The following TRRAP variants were observed in gnomAD, a reference collection of about 807,000 sequenced individuals.
TRRAP encodes the protein transformation/transcription domain-associated protein.
In TRRAP, 41 loss-of-function variants were observed where a neutral mutation model predicts 438.8. The observed-to-expected ratio is 0.09, with a 90% CI of 0.07 to 0.12. The LOEUF (loss-of-function observed/expected upper bound fraction) is 0.12, where lower values mean the gene tolerates loss of function less well. TRRAP is among the 10% of genes least tolerant of loss of function. TRRAP has a pLI of 1.00. For synonymous variants in TRRAP, 1,994 were observed against 1,962.9 expected, an observed-to-expected ratio of 1.02 and a Z score of -0.42; for missense variants, 3,122 against 5,055.1, an observed-to-expected ratio of 0.62 and a Z score of 11.60.
chr7:98,942,853 C>T, intron 30 of TRRAP, 96 bp from the exon 31 acceptor site: 2 of 1,362,648 alleles, frequency 1.5e-6, no homozygotes, highest in Non-Finnish European at 2.1e-6. Flanking sequence ...GCAGTTCTCA[C>T]ACTAAACACG....
In TRRAP at chr7:98,976,579, A is replaced by G. The variant is rs1272121270; in HGVS notation, c.8056A>G (p.Met2686Val). Reference protein sequence around the residue: ...PSALNCFVEAMSQCVPPIPIR... With the variant: ...PSALNCFVEAVSQCVPPIPIR... The stretch of plus-strand genomic sequence containing the variant: ...CGCGCTGAACTGCTTTGTGGAAGCC[A>G]TGTCCCAGTGCGTGCCGCCAATCCC... Residue 2686 changes from methionine to valine, a missense_variant, in exon 55 of 73, where the codon ATG (methionine) becomes GTG (valine). Physicochemically the swap from Met to Val is conservative, Grantham distance 21. Transcript: ENST00000456197. This position sits in a 1 kb window ranked among gnomAD's most constrained non-coding sequence, Gnocchi z 4.6. 2 of 1,614,062 alleles carry G rather than the reference A, an allele frequency of 1.2e-6. No individual in the cohort carries two copies. The highest frequency in any genetic ancestry group is 1.3e-5 in the African/African-American group (1 of 74,936).
chr7:98,949,989 T>C (rs1337187606), intron 37 of TRRAP, 75 bp from the exon 38 acceptor site: 4 of 1,596,354 alleles, frequency 2.5e-6, no homozygotes. Context: ...CTGAGCTGTT[T>C]AAAGGCAAGT....
chr7:98,993,793 T>C (rs1177489122), intron 66 of TRRAP, 56 bp downstream of exon 66: 1 of 1,545,718 alleles, frequency 6.5e-7, no homozygotes, highest in Non-Finnish European at 8.9e-7. Context: ...CGTGGTGTTC[T>C]GTATGCTTCT....
intron 22 of TRRAP, among the ~76,000 whole-genome samples, chr7:98,925,854 G>A (rs1160242055): frequency 6.6e-6 from 1 of 152,194 alleles, no homozygotes; most frequent in Non-Finnish European, 1.5e-5. Flanking sequence ...AAAGGACATT[G>A]AAGAGAGAGG....
Position 98,999,557 on chromosome 7 carries a change from C to T in TRRAP, c.10310-4633C>T. ...TCTTGCTTAAGAAACTGCATCCAGGCAGACAGGATCCCACTGCCACTGTGT... is the reference window on the plus strand; with the variant it reads ...TCTTGCTTAAGAAACTGCATCCAGGTAGACAGGATCCCACTGCCACTGTGT... On this transcript the variant is annotated intron_variant, in intron 67 of 72. Coordinates refer to ENST00000456197, the MANE Select transcript of TRRAP (RefSeq NM_001375524.1). 2.2e-5 allele frequency: 16 copies of T among 729,306 alleles called. 1 individual carries two copies. In the South Asian group the frequency reaches 2.3e-4, roughly 11 times the overall value. The allele number at this position is 729,306 out of a possible 1,614,324, so 45.2% of individuals were successfully genotyped here.
intron 6 of TRRAP, among the ~76,000 whole-genome samples, chr7:98,894,783 G>GT (rs56407045): frequency 0.025 from 2,223 of 87,496 alleles, 113 homozygotes; most frequent in African/African-American, 0.079. Flanking sequence ...CCAGCTAATG[G>GT]TTTTTTTTTT....
At chr7:98,989,628 A>T (rs983684908) in intron 63 of TRRAP, among the ~76,000 whole-genome samples, 1 of 152,244 alleles carries the variant, frequency 6.6e-6, no homozygotes, top group African/African-American at 2.4e-5. Flanking sequence ...GTACACCAGC[A>T]CATGGCAGTT....
chr7:98,976,114 G>T lies in TRRAP; in HGVS notation c.7840-35G>T. On this transcript the variant is annotated intron_variant, in intron 53 of 72. Coordinates refer to ENST00000456197, the MANE Select transcript of TRRAP (RefSeq NM_001375524.1). This position sits in a 1 kb window ranked among gnomAD's most constrained non-coding sequence, Gnocchi z 4.6. The stretch of plus-strand genomic sequence containing the variant: ...TGGTTGTGCGAGGCACCCCCAGCCC[G>T]TGGCCATCTCAGCCTGTTGTCTTTC... 1 of 1,610,934 alleles carries T rather than the reference G, an allele frequency of 6.2e-7. No individual in the cohort carries two copies.
rs368586455 is a variant in TRRAP, at chr7:98,930,740, C to G, written c.3501C>G (p.Leu1167=). ...GGGGTGTGGTGTCTATTAAGTTTCT[C>G]ATGGAGCGGCTGCCTCTCACTTGGG... ...KLGGVVSIKF[L]MERLPLTWVL... is the part of the protein sequence containing the mutation. The change falls in exon 25 of 73, where the codon CTC becomes CTG. Residue 1167 remains leucine (L), a synonymous_variant. Coordinates refer to ENST00000456197, the MANE Select transcript of TRRAP (RefSeq NM_001375524.1). The G allele has an allele frequency of 3.2e-4, 522 of 1,614,106 alleles. 1 individual carries two copies. Among genetic ancestry groups the G allele is most frequent in the Non-Finnish European group, 4.0e-4 (469 of 1,180,058 alleles).
rs1792683304 is a variant in TRRAP at position 98,976,870 on chromosome 7, G to A, written c.8248-69G>A. The A allele has an allele frequency of 9.3e-6, 15 of 1,605,110 alleles. No homozygotes were observed. The highest frequency in any genetic ancestry group is 1.2e-5 in the Non-Finnish European group (14 of 1,174,982). On this transcript the variant is annotated intron_variant, in intron 55 of 72. Transcript: ENST00000456197. This position sits in a 1 kb window ranked among gnomAD's most constrained non-coding sequence, Gnocchi z 4.6. ...AAATGATTTCAAATGACAGCACAGTGAAACTATTTTTAGGGGGGAAAAAAA... is the reference window on the plus strand; with the variant it reads ...AAATGATTTCAAATGACAGCACAGTAAAACTATTTTTAGGGGGGAAAAAAA...
In TRRAP at chr7:99,011,119, C is replaced by T. The variant is rs1282574422; in HGVS notation, c.11006C>T (p.Ala3669Val). Residue 3669 changes from alanine (A) to valine (V), a missense_variant, in exon 71 of 73, where the codon GCG becomes GTG. Coordinates refer to ENST00000456197, the MANE Select transcript of TRRAP (RefSeq NM_001375524.1). The surrounding 1 kb of genome is among the most constrained non-coding windows in gnomAD (Gnocchi z 7.1). ...MVPRSMLKEW[A>V]LHTFPNATDY... ...CCGCGCAGCATGCTCAAGGAGTGGG[C>T]GCTGCACACCTTCCCCAATGCCACG... The T allele has an allele frequency of 2.5e-6, 4 of 1,614,036 alleles. No homozygotes were observed. The highest frequency in any genetic ancestry group is 1.3e-5 in the African/African-American group (1 of 74,898).
Position 98,903,450 on chromosome 7 carries a change from G to C in TRRAP, c.969G>C (p.Glu323Asp). The C allele has an allele frequency of 1.2e-6, 2 of 1,614,234 alleles. No individual in the cohort carries two copies. Among genetic ancestry groups the C allele is most frequent in the Non-Finnish European group, 1.7e-6 (2 of 1,180,052 alleles). Residue 323 changes from glutamate to aspartate, a missense_variant, in exon 12 of 73, where the codon GAG (glutamate) becomes GAC (aspartate). Glu to Asp is a conservative substitution (Grantham distance 45). Coordinates refer to ENST00000456197, the MANE Select transcript of TRRAP (RefSeq NM_001375524.1). The stretch of plus-strand genomic sequence containing the variant: ...AGTTACTTTCAAATTGTCCAGCAGA[G>C]ACTGCACACCTCAGAAAGGAGCTTC... ...MLQLLSNCPA[E>D]TAHLRKELLI...
In TRRAP at chr7:98,994,374, A is replaced by G. The variant is rs181224232; in HGVS notation, c.10048-213A>G. Among the ~76,000 whole-genome samples the G allele has an allele frequency of 1.3e-3, 198 of 152,100 alleles. No homozygotes were observed. The highest frequency in any genetic ancestry group is 4.1e-3 in the African/African-American group (172 of 41,468). On this transcript the variant is annotated intron_variant, in intron 66 of 72. Coordinates refer to ENST00000456197, the MANE Select transcript of TRRAP (RefSeq NM_001375524.1). The surrounding 1 kb of genome is among the most constrained non-coding windows in gnomAD (Gnocchi z 4.8). ...CGCTTTTTGAATGTTCAGGTCCCTTACTCCCCAAGGTCAAAAGCGCCTGCT... is the reference window on the plus strand; with the variant it reads ...CGCTTTTTGAATGTTCAGGTCCCTTGCTCCCCAAGGTCAAAAGCGCCTGCT...
chr7:98,912,216 A>G lies in TRRAP; in HGVS notation c.2199+3A>G, dbSNP rs1554408902. 3.1e-6 allele frequency: 5 copies of G among 1,613,208 alleles called. No homozygotes were observed. Among genetic ancestry groups the G allele is most frequent in the Admixed American group, 1.7e-5 (1 of 59,884 alleles). On this transcript the variant is annotated splice_donor_region_variant and intron_variant, in intron 18 of 72. Transcript: ENST00000456197. ...CTGAAAATGAACAAATGCTGAAGGT[A>G]AAGTCCATTTAATCTAAGTAGTGCT...
At position 98,959,339 on chromosome 7, in the gene TRRAP, C is replaced by T. The variant is rs41633; in HGVS notation, c.6343-5C>T. ...ATGCCGGCTGTAACTCGGATGAATT[C>T]CTAGGTTAATGACAACACCAACACA... On this transcript the variant is annotated splice_polypyrimidine_tract_variant and splice_region_variant and intron_variant, in intron 44 of 72. Transcript: ENST00000456197. 130,572 of 1,612,432 alleles carry T rather than the reference C, an allele frequency of 0.081. 6,401 individuals are homozygous for T. The highest frequency in any genetic ancestry group is 0.26 in the East Asian group (11,612 of 44,810).
chr7:98,978,978 T>C, intron 58 of TRRAP, 74 bp downstream of exon 58: 1 of 1,585,870 alleles, frequency 6.3e-7, no homozygotes, highest in Non-Finnish European at 8.6e-7. Flanking sequence ...TCTTGGGAGA[T>C]TTCCCTTAGA....
intron 3 of TRRAP, 45 bp from the exon 4 acceptor site, chr7:98,890,290 T>TA: frequency 7.9e-7 from 1 of 1,269,490 alleles, no homozygotes; most frequent in Non-Finnish European, 1.1e-6. Context: ...GAAATGAAAA[T>TA]ACATACACAT....
At chr7:98,943,870 C>T (rs1554416203) in intron 31 of TRRAP, among the ~76,000 whole-genome samples, 6 of 152,124 alleles carry the variant, frequency 3.9e-5, no homozygotes, top group South Asian at 4.1e-4. Flanking sequence ...TTTTTGTCCT[C>T]GTGTGCCTTT....
At position 98,939,465 on chromosome 7, in the gene TRRAP, C is replaced by A. The variant is rs2116556083; in HGVS notation, c.4404+1645C>A. Among the ~76,000 whole-genome samples the A allele has an allele frequency of 3.3e-5, 5 of 152,226 alleles. No homozygotes were observed. The Middle Eastern group carries it at 0.017, about 518-fold the overall frequency. On this transcript the variant is annotated intron_variant, in intron 30 of 72. Coordinates refer to ENST00000456197, the MANE Select transcript of TRRAP (RefSeq NM_001375524.1). ...GCTAGTTTCTTCATATCTACAAGTA[C>A]CTAAATAATAATGACCCAAATACTA...
Sources: gnomAD v4.1 joint callset for allele counts (sites outside exome capture counted in the v4.1 genomes callset) on GRCh38, gnomAD v4.1.1 for gene constraint, Gnocchi (gnomAD v3.1) non-coding constraint, MANE v1.5 for transcripts, NCBI Gene and HGNC (gene_info 2026-07-23, HGNC 2026-07-21) for gene names.